Variants in GLCE observed in about 807,000 individuals in gnomAD.
GLCE encodes the protein glucuronic acid epimerase, also known as D-glucuronyl C5-epimerase.
In GLCE, 19 loss-of-function variants were observed where a neutral mutation model predicts 47.9. The observed-to-expected ratio is 0.40, with a 90% CI of 0.28 to 0.58. The LOEUF (loss-of-function observed/expected upper bound fraction) is 0.58, where lower values mean the gene tolerates loss of function less well. GLCE is among the 20% of genes least tolerant of loss of function. GLCE has a pLI of 0.48. For missense variants in GLCE, 556 were observed against 743.3 expected (o/e 0.75, Z 2.93); for synonymous variants, 245 against 263.4 (o/e 0.93, Z 0.68).
Position 69,256,055 on chromosome 15 carries a change from A to G in GLCE, c.249A>G (p.Lys83=), listed in dbSNP as rs369734315. The change falls in exon 3 of 5, where the codon AAA becomes AAG. Residue 83 remains lysine, a synonymous_variant. Transcript: ENST00000261858. ...AAGCATTCCCTCAGGAACAGCAGAA[A>G]GCACCCCCTGTTGTTGGGGGCTTCA... ...SEEAFPQEQQ[K]APPVVGGFNS... is the part of the protein sequence containing the mutation. The G allele has an allele frequency of 6.2e-7, 1 of 1,614,116 alleles. No homozygotes were observed. The highest frequency in any genetic ancestry group is 1.7e-5 in the Admixed American group (1 of 60,020).
intron 2 of GLCE, among the ~76,000 whole-genome samples, chr15:69,220,554 G>A (rs1181933192): frequency 6.6e-6 from 1 of 152,072 alleles, no homozygotes; most frequent in African/African-American, 2.4e-5. Context: ...CTTTTCATGT[G>A]TTTCTTGGCC....
intron 1 of GLCE, among the ~76,000 whole-genome samples, chr15:69,166,379 CAT>C (rs2051501524): frequency 6.6e-6 from 1 of 152,152 alleles, no homozygotes; most frequent in African/African-American, 2.4e-5. Flanking sequence ...AAATTATTAA[CAT>C]ATTTAATTCA....
chr15:69,239,300 G>A (rs1458121869), intron 2 of GLCE, among the ~76,000 whole-genome samples: 1 of 152,204 alleles, frequency 6.6e-6, no homozygotes, highest in East Asian at 1.9e-4. Context: ...ATACAACACA[G>A]ACATGATGGC....
chr15:69,253,847 T>C (rs2052883156), intron 2 of GLCE, among the ~76,000 whole-genome samples: 1 of 152,186 alleles, frequency 6.6e-6, no homozygotes, highest in African/African-American at 2.4e-5. Context: ...TGAATAACTT[T>C]TAATGATTTA....
intron 2 of GLCE, among the ~76,000 whole-genome samples, chr15:69,223,860 A>G (rs1300143789): frequency 2.0e-5 from 3 of 152,056 alleles, no homozygotes; most frequent in Non-Finnish European, 2.9e-5. Flanking sequence ...TTGAATCTAT[A>G]TAGTGAATTT....
intron 2 of GLCE, among the ~76,000 whole-genome samples, chr15:69,211,374 G>A (rs1422068396): frequency 6.6e-6 from 1 of 151,986 alleles, no homozygotes; most frequent in Admixed American, 6.6e-5. Context: ...AGTGATGATT[G>A]TGTGTTTTTA....
intron 2 of GLCE, among the ~76,000 whole-genome samples, chr15:69,235,646 C>T (rs542800273): frequency 7.8e-4 from 119 of 152,206 alleles, no homozygotes; most frequent in Non-Finnish European, 1.5e-3. Flanking sequence ...CAAATTTAGG[C>T]CTATCAGACT....
intron 2 of GLCE, among the ~76,000 whole-genome samples, chr15:69,217,079 GTGT>G (rs1261974034): frequency 6.6e-6 from 1 of 152,026 alleles, no homozygotes; most frequent in Non-Finnish European, 1.5e-5. Context: ...GCTAAACCCA[GTGT>G]TGTTATTATG....
At chr15:69,209,678 G>C (rs906335837) in intron 1 of GLCE, among the ~76,000 whole-genome samples, 1 of 152,080 alleles carries the variant, frequency 6.6e-6, no homozygotes, top group African/African-American at 2.4e-5. Flanking sequence ...CATGTTCCTT[G>C]TCTGTGATCT....
intron 2 of GLCE, among the ~76,000 whole-genome samples, chr15:69,242,341 G>A (rs1358436225): frequency 6.6e-6 from 1 of 151,802 alleles, no homozygotes; most frequent in African/African-American, 2.4e-5. Flanking sequence ...TTTCAATGTG[G>A]ATTTTTTTCA....
At chr15:69,240,606 T>C (rs997834173) in intron 2 of GLCE, among the ~76,000 whole-genome samples, 1 of 152,076 alleles carries the variant, frequency 6.6e-6, no homozygotes, top group African/African-American at 2.4e-5. Context: ...GTACGGCCTA[T>C]AGGATGGAAA....
chr15:69,247,522 G>A (rs1456565407), intron 2 of GLCE, among the ~76,000 whole-genome samples: 1 of 152,196 alleles, frequency 6.6e-6, no homozygotes, highest in South Asian at 2.1e-4. Context: ...CACTGGAATA[G>A]CAATTTTAAC....
intron 1 of GLCE, among the ~76,000 whole-genome samples, chr15:69,209,555 C>G (rs7166010): frequency 0.66 from 100,582 of 151,858 alleles, 35,356 homozygotes; most frequent in Non-Finnish European, 0.77. Context: ...CTTGAGGGGT[C>G]GTCTGTTCAT....
chr15:69,201,338 A>G (rs188181270), intron 1 of GLCE, among the ~76,000 whole-genome samples: 5 of 152,204 alleles, frequency 3.3e-5, no homozygotes, highest in African/African-American at 1.2e-4. Context: ...AAGTGTCAGT[A>G]TTGACATAGC....
chr15:69,260,475 G>T (rs371209804), intron 3 of GLCE, among the ~76,000 whole-genome samples: 120 of 152,138 alleles, frequency 7.9e-4, no homozygotes, highest in Middle Eastern at 3.4e-3. Flanking sequence ...GCCCAGGCTG[G>T]TCTCAAACTC....
At chr15:69,245,190 A>G (rs974487083) in intron 2 of GLCE, among the ~76,000 whole-genome samples, 1 of 151,912 alleles carries the variant, frequency 6.6e-6, no homozygotes, top group Non-Finnish European at 1.5e-5. Context: ...AAAATTAGCC[A>G]GGCATGGTGG....
rs2053171661 is a variant in GLCE, at chr15:69,271,911, A to T, written c.*2667A>T. The T allele has an allele frequency of 6.6e-6, 1 of 152,556 alleles. No individual in the cohort carries two copies. Among genetic ancestry groups the T allele is most frequent in the Admixed American group, 6.6e-5 (1 of 15,264 alleles). The allele number at this position is 152,556 out of a possible 1,614,324, so 9.5% of individuals were successfully genotyped here. ...ACTCTCACTGAAAGCTGCTATTTTC[A>T]TCCTCCTTGTGGTTGCTTTTCTTGT... On this transcript the variant is annotated 3_prime_UTR_variant, in exon 5 of 5. Coordinates refer to ENST00000261858, the MANE Select transcript of GLCE (RefSeq NM_015554.3).
intron 1 of GLCE, among the ~76,000 whole-genome samples, chr15:69,168,610 G>A (rs769524370): frequency 3.3e-5 from 5 of 150,732 alleles, no homozygotes; most frequent in Non-Finnish European, 5.9e-5. Context: ...CTGGCTCACC[G>A]CAACCTCTGC....
chr15:69,177,646 CTTTACCTCATGCCCCTTTATT>C (rs2051688304), intron 1 of GLCE, among the ~76,000 whole-genome samples: 1 of 151,648 alleles, frequency 6.6e-6, no homozygotes, highest in African/African-American at 2.4e-5. Context: ...CCTTTATTAT[CTTTACCTCATGCCCCTTTATT>C]ATCTTTACTT....
Sources: gnomAD v4.1 joint callset for allele counts (sites outside exome capture counted in the v4.1 genomes callset) on GRCh38, gnomAD v4.1.1 for gene constraint, MANE v1.5 for transcripts, NCBI Gene and HGNC (gene_info 2026-07-23, HGNC 2026-07-21) for gene names.